The following RPS6KA2 variants were observed in gnomAD, a reference collection of about 807,000 sequenced individuals.
RPS6KA2 encodes the protein ribosomal protein S6 kinase alpha-2.
Under a neutral mutation model 91.8 loss-of-function variants are expected in RPS6KA2, and 42 were observed. That is an observed-to-expected ratio of 0.46 (90% CI 0.36 to 0.59). RPS6KA2 has a LOEUF of 0.59. Ranked by LOEUF, RPS6KA2 falls within the 20% of genes least tolerant of loss-of-function variation. The probability of loss-of-function intolerance (pLI) is 0.00; values close to 1 mark genes in which losing one functional copy is unlikely to be tolerated. For synonymous variants in RPS6KA2, 414 were observed against 393.6 expected (o/e 1.05, Z -0.61); for missense variants, 798 against 978.5 (o/e 0.82, Z 2.46).
chr6:166,489,458 G>A (rs1012081644), intron 9 of RPS6KA2, among the ~76,000 whole-genome samples: 5 of 152,286 alleles, frequency 3.3e-5, no homozygotes, highest in East Asian at 3.9e-4. Context: ...CAGGACCACC[G>A]GAGTCCTCAG....
rs1287076735 is a variant in RPS6KA2 at position 166,443,621 on chromosome 6, G to A, written c.1332+5103C>T. Among the ~76,000 whole-genome samples, 4 of 152,264 alleles carry A rather than the reference G, an allele frequency of 2.6e-5. No individual in the cohort carries two copies. In the East Asian group the frequency reaches 7.7e-4, roughly 29 times the overall value. ...TGGAAGGCTGCTGTGAAATTCTTAC[G>A]GTAGTGCCATATTCGCCACAGTTAA... On this transcript the variant is annotated intron_variant, in intron 14 of 20. Transcript: ENST00000265678.
At chr6:166,796,334 T>C (rs1779223069) in intron 2 of RPS6KA2, among the ~76,000 whole-genome samples, 1 of 152,182 alleles carries the variant, frequency 6.6e-6, no homozygotes, top group South Asian at 2.1e-4. Flanking sequence ...CTCACACCTG[T>C]AATCCCAGCA....
chr6:166,462,769 C>A (rs1780366651), intron 11 of RPS6KA2, among the ~76,000 whole-genome samples: 1 of 152,256 alleles, frequency 6.6e-6, no homozygotes, highest in Admixed American at 6.5e-5. Context: ...CTTTCCACCC[C>A]TCGGCTGTGA....
At chr6:166,693,792 G>T (rs942929925) in intron 2 of RPS6KA2, among the ~76,000 whole-genome samples, 1 of 152,072 alleles carries the variant, frequency 6.6e-6, no homozygotes, top group Non-Finnish European at 1.5e-5. Context: ...GCAATTTGAG[G>T]GAGAAAGGCC....
At position 166,516,385 on chromosome 6, in the gene RPS6KA2, A is replaced by G. The variant is rs141806979; in HGVS notation, c.299-6028T>C. ...AAAAGCAAAGGCCTAGGCAGAAGACACAGGGCTCACGAATGCAGGCAGGCT... is the reference window on the plus strand; with the variant it reads ...AAAAGCAAAGGCCTAGGCAGAAGACGCAGGGCTCACGAATGCAGGCAGGCT... On this transcript the variant is annotated intron_variant, in intron 3 of 20. Transcript: ENST00000265678. Among the ~76,000 whole-genome samples, 148 of 152,286 alleles carry G rather than the reference A, an allele frequency of 9.7e-4. 1 individual carries two copies. Among genetic ancestry groups the G allele is most frequent in the African/African-American group, 3.4e-3 (142 of 41,564 alleles).
intron 2 of RPS6KA2, among the ~76,000 whole-genome samples, chr6:166,715,974 G>C (rs1026188031): frequency 6.7e-6 from 1 of 149,976 alleles, no homozygotes; most frequent in Non-Finnish European, 1.5e-5. Flanking sequence ...GGAGGTGGAG[G>C]TTGCAGTGAG....
At chr6:166,646,343 G>A (rs1441323437) in intron 2 of RPS6KA2, among the ~76,000 whole-genome samples, 4 of 152,208 alleles carry the variant, frequency 2.6e-5, no homozygotes, top group African/African-American at 4.8e-5. Flanking sequence ...ACGCCCACAC[G>A]GCCATTGCCC....
rs1779366337 is a variant in RPS6KA2 at position 166,437,503 on chromosome 6, T to C, written c.1333-5013A>G. ...AGCTCGCTCAGCTTTCTTTTTCTCATCTGGCAACAGCTGGTTAGAAAGGAC... is the reference window on the plus strand; with the variant it reads ...AGCTCGCTCAGCTTTCTTTTTCTCACCTGGCAACAGCTGGTTAGAAAGGAC... On this transcript the variant is annotated intron_variant, in intron 14 of 20. Coordinates refer to ENST00000265678, the MANE Select transcript of RPS6KA2 (RefSeq NM_021135.6). The surrounding 1 kb of genome is among the most constrained non-coding windows in gnomAD (Gnocchi z 4.3). Among the ~76,000 whole-genome samples, 1 of 152,180 alleles carries C rather than the reference T, an allele frequency of 6.6e-6. No homozygotes were observed. The highest frequency in any genetic ancestry group is 1.5e-5 in the Non-Finnish European group (1 of 68,034).
intron 1 of RPS6KA2, among the ~76,000 whole-genome samples, chr6:166,579,993 G>A (rs528131053): frequency 4.6e-5 from 7 of 152,324 alleles, no homozygotes; most frequent in African/African-American, 1.4e-4. Context: ...TTAGAATCAC[G>A]GCACTTCATC....
intron 2 of RPS6KA2, among the ~76,000 whole-genome samples, chr6:166,703,440 A>G (rs891230688): frequency 6.6e-6 from 1 of 152,240 alleles, no homozygotes; most frequent in Non-Finnish European, 1.5e-5. Flanking sequence ...AAGAATATGC[A>G]TATTGTCTTC....
chr6:166,689,664 C>A (rs1393110313), intron 2 of RPS6KA2, among the ~76,000 whole-genome samples: 2 of 152,154 alleles, frequency 1.3e-5, no homozygotes, highest in Admixed American at 1.3e-4. Context: ...AGACTGAGTG[C>A]AGGCATCTCA....
rs112518939 is a variant in RPS6KA2, at chr6:166,501,006, C to T, written c.567-82G>A. On this transcript the variant is annotated intron_variant, in intron 6 of 20. Transcript: ENST00000265678. ...GCACGCAGAGCTCAGAGGAGAGCTG[C>T]GGGGCAGCTGGGGGCGGACGTTTTC... 2,485 of 1,360,344 alleles carry T rather than the reference C, an allele frequency of 1.8e-3. 18 individuals are homozygous for T. The African/African-American group carries it at 0.022, about 12-fold the overall frequency. The allele number at this position is 1,360,344 out of a possible 1,614,324, so 84.3% of individuals were successfully genotyped here.
intron 1 of RPS6KA2, among the ~76,000 whole-genome samples, chr6:166,593,257 G>A (rs990985946): frequency 5.3e-5 from 8 of 152,028 alleles, no homozygotes; most frequent in African/African-American, 1.9e-4. Context: ...AAGAGAAACA[G>A]AACAGAATAC....
intron 2 of RPS6KA2, among the ~76,000 whole-genome samples, chr6:166,824,931 C>G (rs752637911): frequency 6.6e-6 from 1 of 152,146 alleles, no homozygotes; most frequent in Non-Finnish European, 1.5e-5. Flanking sequence ...AAGAGGCAAT[C>G]ACATCAGGAC....
intron 1 of RPS6KA2, among the ~76,000 whole-genome samples, chr6:166,613,700 T>C (rs910175062): frequency 3.9e-5 from 6 of 152,206 alleles, no homozygotes; most frequent in African/African-American, 1.2e-4. Context: ...AAGGATCCTT[T>C]TAAATTGAGA....
In RPS6KA2 at chr6:166,434,837, G is replaced by T. The variant is rs1012896; in HGVS notation, c.1333-2347C>A. 1.3e-5 allele frequency among the ~76,000 whole-genome samples: 2 copies of T among 151,994 alleles called. No individual in the cohort carries two copies. The highest frequency in any genetic ancestry group is 4.8e-5 in the African/African-American group (2 of 41,356). ...GCCGACGCGAGCAGGTGCATCCTACGCCATCCCTTGTTTTAAAAATGGAGA... is the reference window on the plus strand; with the variant it reads ...GCCGACGCGAGCAGGTGCATCCTACTCCATCCCTTGTTTTAAAAATGGAGA... On this transcript the variant is annotated intron_variant, in intron 14 of 20. Coordinates refer to ENST00000265678, the MANE Select transcript of RPS6KA2 (RefSeq NM_021135.6). This position sits in a 1 kb window ranked among gnomAD's most constrained non-coding sequence, Gnocchi z 4.4.
intron 2 of RPS6KA2, among the ~76,000 whole-genome samples, chr6:166,785,344 C>T (rs529182133): frequency 2.0e-5 from 3 of 152,336 alleles, no homozygotes; most frequent in Admixed American, 1.3e-4. Flanking sequence ...AGTCTCCTCC[C>T]TAGGTCGCTG....
intron 1 of RPS6KA2, among the ~76,000 whole-genome samples, chr6:166,622,732 T>C (rs1434195085): frequency 2.0e-5 from 3 of 152,232 alleles, no homozygotes; most frequent in Non-Finnish European, 4.4e-5. Context: ...TGTCTTTATA[T>C]GTACAGATAG....
chr6:166,683,046 G>A (rs1252050024), intron 2 of RPS6KA2, among the ~76,000 whole-genome samples: 4 of 152,186 alleles, frequency 2.6e-5, no homozygotes, highest in African/African-American at 4.8e-5. Flanking sequence ...GGGTCTCGCC[G>A]CTTGCCCTCG....
Sources: allele counts gnomAD v4.1 joint callset (sites outside exome capture counted in the v4.1 genomes callset), GRCh38; gene constraint gnomAD v4.1.1; non-coding constraint Gnocchi (gnomAD v3.1); transcripts MANE v1.5; gene names NCBI Gene and HGNC (gene_info 2026-07-23, HGNC 2026-07-21).